Variants in NCKAP5 observed in about 807,000 individuals in gnomAD.
The protein encoded by NCKAP5 is nck-associated protein 5.
In NCKAP5, 92 loss-of-function variants were observed where a neutral mutation model predicts 167.0. The observed-to-expected ratio is 0.55, with a 90% CI of 0.47 to 0.66. NCKAP5 has a LOEUF of 0.66. NCKAP5 is among the 30% of genes least tolerant of loss of function. NCKAP5 has a pLI of 0.00. For synonymous variants in NCKAP5, 891 were observed against 877.4 expected (o/e 1.02, Z -0.27); for missense variants, 2,378 against 2,315.0 (o/e 1.03, Z -0.56).
At chr2:132,852,338 A>G (rs1460036141) in intron 11 of NCKAP5, among the ~76,000 whole-genome samples, 1 of 152,234 alleles carries the variant, frequency 6.6e-6, no homozygotes, top group African/African-American at 2.4e-5. Context: ...CTGCAATATA[A>G]TGTTGATTTA....
At chr2:133,450,221 G>A (rs146532015) in intron 3 of NCKAP5, among the ~76,000 whole-genome samples, 1 of 152,102 alleles carries the variant, frequency 6.6e-6, no homozygotes, top group Non-Finnish European at 1.5e-5. Flanking sequence ...CTGTTCTCCA[G>A]GCTAATCTTC....
chr2:133,474,154 A>ATT (rs369130877), intron 3 of NCKAP5, among the ~76,000 whole-genome samples: 1 of 135,286 alleles, frequency 7.4e-6, no homozygotes, highest in African/African-American at 3.8e-5. Flanking sequence ...CTATCTATCT[A>ATT]TACACACACA....
intron 11 of NCKAP5, among the ~76,000 whole-genome samples, chr2:132,844,671 G>A (rs997559676): frequency 5.9e-5 from 9 of 152,070 alleles, no homozygotes; most frequent in African/African-American, 9.7e-5. Context: ...TGGATAGCAC[G>A]GATACAGCAT....
At chr2:133,647,803 A>G in the NCKAP5 span, among the ~76,000 whole-genome samples, 14,374 of 151,886 alleles carry the variant, frequency 0.095, 789 homozygotes, top group African/African-American at 0.12. Context: ...AAAGGGAGAG[A>G]ACGGGAGGAG....
chr2:133,457,303 T>C (rs950550079), intron 3 of NCKAP5, among the ~76,000 whole-genome samples: 4 of 152,176 alleles, frequency 2.6e-5, no homozygotes, highest in Non-Finnish European at 4.4e-5. Context: ...GATAATGGCT[T>C]CCAGTGTCTG....
intron 5 of NCKAP5, among the ~76,000 whole-genome samples, chr2:133,177,128 C>A (rs1033803586): frequency 6.7e-6 from 1 of 149,562 alleles, no homozygotes; most frequent in African/African-American, 2.5e-5. Context: ...GGAGTCAACA[C>A]TCTAAGAATT....
intron 8 of NCKAP5, among the ~76,000 whole-genome samples, chr2:132,962,516 T>C (rs1026271192): frequency 4.6e-5 from 7 of 152,224 alleles, no homozygotes; most frequent in African/African-American, 1.7e-4. Flanking sequence ...ATGCTCATTA[T>C]AGACAATGTG....
At chr2:133,362,525 A>G (rs1446008477) in intron 3 of NCKAP5, among the ~76,000 whole-genome samples, 1 of 152,202 alleles carries the variant, frequency 6.6e-6, no homozygotes, top group Non-Finnish European at 1.5e-5. Flanking sequence ...TTTAGAAGTT[A>G]CAAGTCAGTT....
chr2:133,277,259 G>A (rs2089767369), intron 4 of NCKAP5, among the ~76,000 whole-genome samples: 1 of 151,994 alleles, frequency 6.6e-6, no homozygotes, highest in African/African-American at 2.4e-5. Flanking sequence ...TAGATGACAT[G>A]GTAGTACTCC....
intron 4 of NCKAP5, among the ~76,000 whole-genome samples, chr2:133,245,552 A>AGTATACT (rs1254071724): frequency 8.5e-5 from 13 of 152,264 alleles, no homozygotes; most frequent in African/African-American, 2.4e-4. Context: ...CTAATTACAT[A>AGTATACT]GGTGTTTTCA....
At chr2:133,122,777 C>T (rs1056837252) in intron 6 of NCKAP5, 3 of 152,124 alleles carry the variant, frequency 2.0e-5, no homozygotes, top group African/African-American at 7.2e-5. Flanking sequence ...TCCTCCAAGA[C>T]CTCAACATAA....
At chr2:133,239,277 C>T (rs1038098523) in intron 4 of NCKAP5, among the ~76,000 whole-genome samples, 3 of 152,160 alleles carry the variant, frequency 2.0e-5, no homozygotes, top group African/African-American at 7.2e-5. Flanking sequence ...CCCACTAATA[C>T]AATTTCAGTG....
chr2:133,250,271 A>C (rs2088242625), intron 4 of NCKAP5, among the ~76,000 whole-genome samples: 1 of 152,126 alleles, frequency 6.6e-6, no homozygotes, highest in African/African-American at 2.4e-5. Context: ...CAGCCAGGGA[A>C]CAGCCCAGGT....
intron 9 of NCKAP5, among the ~76,000 whole-genome samples, chr2:132,876,189 A>G (rs1691257278): frequency 6.6e-6 from 1 of 152,028 alleles, no homozygotes; most frequent in African/African-American, 2.4e-5. Context: ...GGCCCAAGAG[A>G]TCCTACTACC....
At chr2:132,845,016 T>A (rs997612145) in intron 11 of NCKAP5, among the ~76,000 whole-genome samples, 8 of 152,148 alleles carry the variant, frequency 5.3e-5, no homozygotes, top group Non-Finnish European at 1.0e-4. Flanking sequence ...GTCTATTTGG[T>A]GAAAAAAGGT....
At chr2:133,347,406 A>G (rs1684052809) in intron 3 of NCKAP5, among the ~76,000 whole-genome samples, 1 of 152,046 alleles carries the variant, frequency 6.6e-6, no homozygotes, top group South Asian at 2.1e-4. Flanking sequence ...GTACAAAATT[A>G]GCCAGGCATG....
At chr2:133,074,551 G>A (rs1287282015) in intron 6 of NCKAP5, among the ~76,000 whole-genome samples, 1 of 151,992 alleles carries the variant, frequency 6.6e-6, no homozygotes, top group Non-Finnish European at 1.5e-5. Flanking sequence ...TTGTAGAGAA[G>A]GGATTTCACC....
At chr2:133,409,086 T>C (rs894934893) in intron 3 of NCKAP5, among the ~76,000 whole-genome samples, 78 of 152,374 alleles carry the variant, frequency 5.1e-4, no homozygotes, top group African/African-American at 1.9e-3. Context: ...AGAGCTGAAG[T>C]GCTGTGAACC....
chr2:133,172,435 G>T (rs895754951), intron 5 of NCKAP5, among the ~76,000 whole-genome samples: 1 of 152,170 alleles, frequency 6.6e-6, no homozygotes, highest in African/African-American at 2.4e-5. Context: ...CTTGCTGGAG[G>T]CTACAACCCA....
Sources: gnomAD v4.1 joint callset for allele counts (sites outside exome capture counted in the v4.1 genomes callset) on GRCh38, gnomAD v4.1.1 for gene constraint, MANE v1.5 for transcripts, NCBI Gene and HGNC (gene_info 2026-07-23, HGNC 2026-07-21) for gene names.